The following SLC66A1 variants were observed in gnomAD, a reference collection of about 807,000 sequenced individuals.
SLC66A1 encodes lysosomal amino acid transporter 1 homolog.
In SLC66A1, 23 loss-of-function variants were observed where a neutral mutation model predicts 33.0. The ratio of observed to expected loss-of-function variants is 0.70; its 90% CI spans 0.50 to 0.99. The LOEUF (loss-of-function observed/expected upper bound fraction) is 0.99, where lower values mean the gene tolerates loss of function less well. Among genes scored for constraint, SLC66A1 ranks in the 50% least tolerant of loss-of-function variants. The probability of loss-of-function intolerance (pLI) is 0.00; values close to 1 mark genes in which losing one functional copy is unlikely to be tolerated. For missense variants in SLC66A1, 335 were observed against 383.6 expected, an observed-to-expected ratio of 0.87 and a Z score of 1.06; for synonymous variants, 164 against 175.5, an observed-to-expected ratio of 0.93 and a Z score of 0.52.
chr1:19,325,083 G>A (rs897331187), intron 3 of SLC66A1, among the ~76,000 whole-genome samples: 8 of 152,182 alleles, frequency 5.3e-5, no homozygotes, highest in Admixed American at 6.5e-5. Context: ...GAGTTTTTCC[G>A]TGGGAGGCCC....
chr1:19,331,762 A>G (rs1055372354), downstream of SLC66A1, among the ~76,000 whole-genome samples: 1 of 152,230 alleles, frequency 6.6e-6, no homozygotes, highest in Non-Finnish European at 1.5e-5. Flanking sequence ...CTGGGGGCAC[A>G]GTATAGCCAC....
intron 2 of SLC66A1, among the ~76,000 whole-genome samples, chr1:19,319,780 G>A (rs2093825152): frequency 6.6e-6 from 1 of 151,142 alleles, no homozygotes; most frequent in Non-Finnish European, 1.5e-5. Context: ...GCGCGTGCCT[G>A]TGGTCCCAGC....
chr1:19,329,791 G>A (rs964290972), downstream of SLC66A1, among the ~76,000 whole-genome samples: 1 of 152,168 alleles, frequency 6.6e-6, no homozygotes, highest in African/African-American at 2.4e-5. Context: ...ACCAGATCTT[G>A]GAGATCAGGG....
chr1:19,326,747 G>C, intron 6 of SLC66A1, 124 bp downstream of exon 6: 1 of 1,050,172 alleles, frequency 9.5e-7, no homozygotes, highest in Non-Finnish European at 1.4e-6. Flanking sequence ...GTCTACTCCC[G>C]CTGTTGGCTT....
chr1:19,333,941 A>G (rs1489516561), downstream of SLC66A1, among the ~76,000 whole-genome samples: 5 of 151,964 alleles, frequency 3.3e-5, no homozygotes, highest in Non-Finnish European at 2.9e-5. This position sits in a 1 kb window ranked among gnomAD's most constrained non-coding sequence, Gnocchi z 4.2. Context: ...AACAAAACAC[A>G]GGAAAACCTG....
chr1:19,331,033 A>G (rs542292564), downstream of SLC66A1, among the ~76,000 whole-genome samples: 25 of 151,932 alleles, frequency 1.6e-4, no homozygotes, highest in African/African-American at 5.3e-4. Flanking sequence ...TTTTTTTGAC[A>G]CAGAGTCTTG....
At position 19,327,672 on chromosome 1, in the gene SLC66A1, G is replaced by A. The variant is rs185037568; in HGVS notation, c.804+260G>A. Reference sequence around the variant, plus strand: ...CCAGAAGCTTACAGCCCAGCGGGGCGCAGAGAGGACACAACGCTATCATCA... The same window carrying A: ...CCAGAAGCTTACAGCCCAGCGGGGCACAGAGAGGACACAACGCTATCATCA... On this transcript the variant is annotated intron_variant, in intron 7 of 7. Coordinates refer to ENST00000375153, the MANE Select transcript of SLC66A1 (RefSeq NM_001040125.2). The A allele has an allele frequency of 2.9e-4, 193 of 675,322 alleles. 1 individual carries two copies. The highest frequency in any genetic ancestry group is 2.4e-3 in the African/African-American group (135 of 56,586). The allele number at this position is 675,322 out of a possible 1,614,324, so 41.8% of individuals were successfully genotyped here.
chr1:19,326,206 C>T (rs1487936120), intron 4 of SLC66A1, 39 bp from the exon 5 acceptor site: 1 of 1,568,964 alleles, frequency 6.4e-7, no homozygotes. Context: ...CGCTGCCACT[C>T]AGCCATCTAA....
downstream of SLC66A1, among the ~76,000 whole-genome samples, chr1:19,329,749 T>C (rs1187191856): frequency 3.9e-5 from 6 of 151,988 alleles, no homozygotes; most frequent in South Asian, 6.2e-4. Context: ...TAAAGGTTAG[T>C]TTTGAGGACT....
At chr1:19,313,367 A>G in intron 1 of SLC66A1, among the ~76,000 whole-genome samples, 1 of 150,584 alleles carries the variant, frequency 6.6e-6, no homozygotes, top group East Asian at 1.9e-4. Flanking sequence ...CCTTCTCTCT[A>G]CCTCTCTCTT....
intron 7 of SLC66A1, 156 bp downstream of exon 7, chr1:19,327,568 C>G: frequency 2.3e-6 from 2 of 871,770 alleles, no homozygotes; most frequent in Middle Eastern, 2.2e-4. Flanking sequence ...TCTGTTCACC[C>G]AGTCGTGCAC....
In SLC66A1 at chr1:19,313,331, C is replaced by T. The variant is rs1048911539; in HGVS notation, c.-79+442C>T. 31 of 774,582 alleles carry T rather than the reference C, an allele frequency of 4.0e-5. 1 individual carries two copies. Among genetic ancestry groups the T allele is most frequent in the Non-Finnish European group, 4.9e-5 (31 of 637,886 alleles). The allele number at this position is 774,582 out of a possible 1,614,324, so 48.0% of individuals were successfully genotyped here. Reference sequence around the variant, plus strand: ...CTCTTCCACCCTTTCTCCTTTCTCACCCGTTTCCTCTCTTCTTCACTCTGT... The same window carrying T: ...CTCTTCCACCCTTTCTCCTTTCTCATCCGTTTCCTCTCTTCTTCACTCTGT... On this transcript the variant is annotated intron_variant, in intron 1 of 7. Transcript: ENST00000375153.
chr1:19,328,777 G>C lies in SLC66A1; in HGVS notation c.*134G>C. Reference sequence around the variant, plus strand: ...CTCTGGATCCTCCGTGGACCGAACCGTCCCCCCAGGAACACACCTTCAGGT... The same window carrying C: ...CTCTGGATCCTCCGTGGACCGAACCCTCCCCCCAGGAACACACCTTCAGGT... On this transcript the variant is annotated 3_prime_UTR_variant, in exon 8 of 8. Coordinates refer to ENST00000375153, the MANE Select transcript of SLC66A1 (RefSeq NM_001040125.2). The surrounding 1 kb of genome is among the most constrained non-coding windows in gnomAD (Gnocchi z 4.7). 1 of 953,906 alleles carries C rather than the reference G, an allele frequency of 1.0e-6. No individual in the cohort carries two copies. The highest frequency in any genetic ancestry group is 1.6e-6 in the Non-Finnish European group (1 of 635,456). 59.1% of individuals were successfully genotyped at this position (953,906 alleles called of 1,614,324 possible).
chr1:19,331,600 T>TTCAGGA (rs1478896963), downstream of SLC66A1, among the ~76,000 whole-genome samples: 1 of 152,196 alleles, frequency 6.6e-6, no homozygotes, highest in East Asian at 1.9e-4. Context: ...CTGCCGAGAT[T>TTCAGGA]TCAGGATAAG....
chr1:19,330,615 G>A (rs571765544), downstream of SLC66A1, among the ~76,000 whole-genome samples: 8 of 152,322 alleles, frequency 5.3e-5, no homozygotes, highest in South Asian at 1.7e-3. Context: ...AAGGCAGAGG[G>A]GAGGGCAGTT....
chr1:19,318,015 T>G (rs1390381556), intron 2 of SLC66A1, among the ~76,000 whole-genome samples, 174 bp downstream of exon 2: 1 of 152,194 alleles, frequency 6.6e-6, no homozygotes, highest in African/African-American at 2.4e-5. Flanking sequence ...TCAGACCTAG[T>G]GCTGGGCAGT....
chr1:19,316,354 TGTGTGTGTG>T, intron 1 of SLC66A1, among the ~76,000 whole-genome samples: 1 of 11,408 alleles, frequency 8.8e-5, no homozygotes, highest in South Asian at 5.2e-3. Context: ...CTTTATGGTT[TGTGTGTGTG>T]TGTGTGTGTG....
chr1:19,330,963 C>T (rs1426058327), downstream of SLC66A1, among the ~76,000 whole-genome samples: 1 of 152,218 alleles, frequency 6.6e-6, no homozygotes, highest in African/African-American at 2.4e-5. Flanking sequence ...CGCCGCCTGC[C>T]ATCAGTGCAC....
rs569177720 is a variant in SLC66A1, at chr1:19,319,605, G to GTTTTTTTTTTTTTTTTTTTTT, written c.164+1780_164+1781insTTTTTTTTTTTTTTTTTTTTT. Among the ~76,000 whole-genome samples the GTTTTTTTTTTTTTTTTTTTTT allele has an allele frequency of 7.2e-5, 8 of 111,856 alleles. 1 individual carries two copies. In the East Asian group the frequency reaches 8.4e-4, roughly 12 times the overall value. 73.4% of individuals were successfully genotyped at this position (111,856 alleles called of 152,430 possible). ...GATTAATGTTGCTGTGCACATTCATGTTTTTTTTTTTTTTTTGCCTGGTGC... is the reference window on the plus strand; with the variant it reads ...GATTAATGTTGCTGTGCACATTCATGTTTTTTTTTTTTTTTTTTTTTTTTTTTTTTTTTTTTTGCCTGGTGC... On this transcript the variant is annotated intron_variant, in intron 2 of 7. Transcript: ENST00000375153.
Sources: gnomAD v4.1 joint callset for allele counts (sites outside exome capture counted in the v4.1 genomes callset) on GRCh38, gnomAD v4.1.1 for gene constraint, Gnocchi (gnomAD v3.1) non-coding constraint, MANE v1.5 for transcripts, NCBI Gene and HGNC (gene_info 2026-07-23, HGNC 2026-07-21) for gene names.